Variants in NPAS3 observed in about 807,000 individuals in gnomAD.
NPAS3 encodes the protein neuronal PAS domain-containing protein 3.
In NPAS3, 14 loss-of-function variants were observed where a neutral mutation model predicts 73.1. The observed-to-expected ratio is 0.19, with a 90% CI of 0.13 to 0.30. The LOEUF (loss-of-function observed/expected upper bound fraction) is 0.30, where lower values mean the gene tolerates loss of function less well. Ranked by LOEUF, NPAS3 falls within the 10% of genes least tolerant of loss-of-function variation. NPAS3 has a pLI of 1.00. For synonymous variants in NPAS3, 620 were observed against 541.5 expected, an observed-to-expected ratio of 1.14 and a Z score of -2.01; for missense variants, 1,096 against 1,250.0, an observed-to-expected ratio of 0.88 and a Z score of 1.86.
intron 2 of NPAS3, among the ~76,000 whole-genome samples, chr14:33,136,345 C>T (rs573343746): frequency 2.0e-5 from 3 of 152,194 alleles, no homozygotes; most frequent in East Asian, 3.9e-4. Flanking sequence ...AGGTGTGAGC[C>T]ACTGCGCCTG....
chr14:33,788,232 T>C (rs1045755466), intron 9 of NPAS3, among the ~76,000 whole-genome samples: 1 of 152,204 alleles, frequency 6.6e-6, no homozygotes, highest in African/African-American at 2.4e-5. Context: ...TTTTTGAGTC[T>C]GTAGCAGAAG....
At chr14:33,549,393 G>A (rs542352846) in intron 4 of NPAS3, among the ~76,000 whole-genome samples, 4 of 152,166 alleles carry the variant, frequency 2.6e-5, no homozygotes, top group South Asian at 2.1e-4. Flanking sequence ...CACCAGAGCC[G>A]GCTACATTTT....
At chr14:33,127,831 A>T (rs912763340) in intron 2 of NPAS3, among the ~76,000 whole-genome samples, 1 of 152,152 alleles carries the variant, frequency 6.6e-6, no homozygotes, top group Non-Finnish European at 1.5e-5. Flanking sequence ...TCAGTAAAAT[A>T]CATTTCCCTT....
intron 5 of NPAS3, among the ~76,000 whole-genome samples, chr14:33,643,212 G>GTGAT (rs1442785118): frequency 2.0e-5 from 3 of 152,130 alleles, no homozygotes; most frequent in Non-Finnish European, 4.4e-5. Flanking sequence ...TTCATAACCA[G>GTGAT]TGATAGTATT....
intron 7 of NPAS3, among the ~76,000 whole-genome samples, chr14:33,757,738 C>T (rs1423336089): frequency 6.6e-6 from 1 of 152,174 alleles, no homozygotes; most frequent in Non-Finnish European, 1.5e-5. Flanking sequence ...AGAAGTGATG[C>T]ACTCCCCTTT....
intron 2 of NPAS3, among the ~76,000 whole-genome samples, chr14:33,208,593 G>T (rs1463694364): frequency 6.6e-6 from 1 of 152,108 alleles, no homozygotes; most frequent in Non-Finnish European, 1.5e-5. Flanking sequence ...TCAAATGTTA[G>T]CAGTTGCCGA....
At chr14:32,935,672 A>G (rs1440502001), upstream of NPAS3, among the ~76,000 whole-genome samples, 1 of 152,250 alleles carries the variant, frequency 6.6e-6, no homozygotes, top group East Asian at 1.9e-4. Context: ...TATTATTTGT[A>G]GTTCTCTTAA....
intron 9 of NPAS3, among the ~76,000 whole-genome samples, chr14:33,782,774 G>A (rs2063016139): frequency 6.6e-6 from 1 of 151,246 alleles, no homozygotes; most frequent in African/African-American, 2.4e-5. Context: ...GAGATCACAT[G>A]CAGTTAAAAA....
At chr14:33,323,169 T>C (rs72678886) in intron 3 of NPAS3, among the ~76,000 whole-genome samples, 491 of 152,314 alleles carry the variant, frequency 3.2e-3, no homozygotes, top group Non-Finnish European at 4.5e-3. Flanking sequence ...GCCAAGACTA[T>C]TCACCCAAAG....
chr14:33,735,322 C>T (rs140556633), exon 7 of NPAS3: 15 of 1,611,658 alleles, frequency 9.3e-6, no homozygotes, highest in Non-Finnish European at 1.2e-5. Context: ...ATCAAATCAT[C>T]AGGATATAAG....
chr14:33,676,339 A>T, exon 6 of NPAS3: 3 of 1,602,542 alleles, frequency 1.9e-6, no homozygotes, highest in Non-Finnish European at 2.6e-6. Context: ...CTGAGGACGG[A>T]GCCAGCTCAG....
chr14:33,513,942 G>A (rs1184211118), intron 4 of NPAS3, among the ~76,000 whole-genome samples: 1 of 152,002 alleles, frequency 6.6e-6, no homozygotes, highest in South Asian at 2.1e-4. Context: ...GCATGCCCAG[G>A]CTTGCTAAAA....
chr14:33,185,826 T>C (rs138745816), intron 2 of NPAS3, among the ~76,000 whole-genome samples: 19 of 152,304 alleles, frequency 1.2e-4, no homozygotes, highest in Admixed American at 3.3e-4. Context: ...GTTAAGACTT[T>C]GAGAGCTAAA....
Position 33,443,734 on chromosome 14 carries a change from G to A in NPAS3, c.468+76466G>A, listed in dbSNP as rs139049273. ...AGAAGGAGTCACTTTAAGTTTGCAG[G>A]CAAATGTCTGAATGGTCCATTTACA... On this transcript the variant is annotated intron_variant, in intron 4 of 11. Transcript: ENST00000356141. Among the ~76,000 whole-genome samples the A allele has an allele frequency of 1.1e-3, 166 of 152,310 alleles. 1 individual carries two copies. Among genetic ancestry groups the A allele is most frequent in the African/African-American group, 3.7e-3 (154 of 41,564 alleles).
chr14:33,380,232 T>C (rs2046486567), intron 4 of NPAS3, among the ~76,000 whole-genome samples: 1 of 152,078 alleles, frequency 6.6e-6, no homozygotes, highest in South Asian at 2.1e-4. Flanking sequence ...TACATGTTTA[T>C]GAATGGTTTT....
chr14:33,570,706 T>C (rs934787482), intron 5 of NPAS3, among the ~76,000 whole-genome samples: 3 of 152,200 alleles, frequency 2.0e-5, no homozygotes, highest in African/African-American at 7.2e-5. Context: ...GTAGCATACA[T>C]GGAAATTAGA....
chr14:33,029,169 G>A (rs1037457197), intron 1 of NPAS3, among the ~76,000 whole-genome samples: 1 of 152,168 alleles, frequency 6.6e-6, no homozygotes, highest in Admixed American at 6.5e-5. Flanking sequence ...AGTGAGGCGG[G>A]TAGGGATACA....
intron 5 of NPAS3, among the ~76,000 whole-genome samples, chr14:33,583,050 A>G (rs1277657198): frequency 7.3e-6 from 1 of 136,656 alleles, no homozygotes; most frequent in Non-Finnish European, 1.5e-5. Flanking sequence ...TCTAACCACT[A>G]CAGAAAGCCC....
intron 11 of NPAS3, among the ~76,000 whole-genome samples, chr14:33,798,088 T>C (rs2063566818): frequency 6.6e-6 from 1 of 152,100 alleles, no homozygotes; most frequent in Admixed American, 6.6e-5. Context: ...CAAGAGAGTC[T>C]GTGACTTTGA....
Sources: allele counts gnomAD v4.1 joint callset (sites outside exome capture counted in the v4.1 genomes callset), GRCh38; gene constraint gnomAD v4.1.1; transcripts MANE v1.5; gene names NCBI Gene and HGNC (gene_info 2026-07-23, HGNC 2026-07-21).